Variants in EPB41L3 observed in about 807,000 individuals in gnomAD.
EPB41L3 encodes the protein erythrocyte membrane protein band 4.1 like 3, also known as band 4.1-like protein 3.
EPB41L3 carries 57 observed loss-of-function variants against 127.1 expected under a neutral mutation model. That is an observed-to-expected ratio of 0.45 (90% CI 0.36 to 0.56). The LOEUF is 0.56. Ranked by LOEUF, EPB41L3 falls within the 20% of genes least tolerant of loss-of-function variation. The pLI is 0.00. For synonymous variants in EPB41L3, 572 were observed against 549.5 expected (o/e 1.04, Z -0.57); for missense variants, 1,273 against 1,372.2 (o/e 0.93, Z 1.14).
At chr18:5,474,632 T>C (rs1163245478) in intron 3 of EPB41L3, among the ~76,000 whole-genome samples, 1 of 152,220 alleles carries the variant, frequency 6.6e-6, no homozygotes, top group Non-Finnish European at 1.5e-5. Flanking sequence ...AATAAAATGC[T>C]CTTTTTGATG....
chr18:5,533,362 T>C lies in EPB41L3; in HGVS notation c.-12+10551A>G, dbSNP rs183931725. ...GTGATATACAGTGACTTTTGTTTTG[T>C]TGTCCCCCTATGTGGATTATGTGAG... On this transcript the variant is annotated intron_variant, in intron 1 of 22. Transcript: ENST00000341928. 5.6e-3 allele frequency among the ~76,000 whole-genome samples: 853 copies of C among 152,306 alleles called. 5 individuals are homozygous for C. The highest frequency in any genetic ancestry group is 9.4e-3 in the Non-Finnish European group (641 of 68,028).
intron 9 of EPB41L3, among the ~76,000 whole-genome samples, chr18:5,426,749 C>G (rs2078238836): frequency 6.6e-6 from 1 of 152,042 alleles, no homozygotes; most frequent in African/African-American, 2.4e-5. Flanking sequence ...ATAGAAAATC[C>G]CTTAACAAGG....
chr18:5,554,952 G>A (rs1324133523), intron 3 of EPB41L3, among the ~76,000 whole-genome samples: 14 of 152,150 alleles, frequency 9.2e-5, no homozygotes, highest in African/African-American at 3.1e-4. Context: ...CTTTTACGGG[G>A]CTGTTGGAAG....
At chr18:5,435,077 T>C (rs959546648) in intron 6 of EPB41L3, among the ~76,000 whole-genome samples, 1 of 152,150 alleles carries the variant, frequency 6.6e-6, no homozygotes, top group Non-Finnish European at 1.5e-5. Context: ...AAAAACAAAT[T>C]ATAAATTTTA....
At chr18:5,498,968 A>C (rs1388433392) in intron 1 of EPB41L3, among the ~76,000 whole-genome samples, 1 of 152,194 alleles carries the variant, frequency 6.6e-6, no homozygotes, top group Non-Finnish European at 1.5e-5. Context: ...GGTTCCCTAA[A>C]AGGAAAGTTG....
At chr18:5,555,896 C>A (rs551537771) in intron 3 of EPB41L3, among the ~76,000 whole-genome samples, 46 of 152,310 alleles carry the variant, frequency 3.0e-4, no homozygotes, top group African/African-American at 1.1e-3. Flanking sequence ...CTTTCCATTC[C>A]TCTTTTTCAG....
intron 1 of EPB41L3, among the ~76,000 whole-genome samples, chr18:5,498,803 T>C (rs112053862): frequency 0.01 from 1,559 of 152,096 alleles, 29 homozygotes; most frequent in African/African-American, 0.035. Flanking sequence ...ATAAACTAAA[T>C]ATAGCAACTA....
intron 14 of EPB41L3, among the ~76,000 whole-genome samples, chr18:5,409,714 A>AG (rs2075958698): frequency 6.6e-6 from 1 of 151,178 alleles, no homozygotes; most frequent in African/African-American, 2.4e-5. Flanking sequence ...GGATGATGCA[A>AG]AAAAAAACAT....
At chr18:5,601,910 A>T (rs180761981) in intron 3 of EPB41L3, among the ~76,000 whole-genome samples, 1 of 152,328 alleles carries the variant, frequency 6.6e-6, no homozygotes, top group East Asian at 1.9e-4. Flanking sequence ...GAAGAATAGC[A>T]CTTCGGAGTG....
intron 3 of EPB41L3, among the ~76,000 whole-genome samples, chr18:5,451,727 T>C (rs1454512441): frequency 6.6e-6 from 1 of 152,224 alleles, no homozygotes; most frequent in African/African-American, 2.4e-5. Context: ...CGAAGCAATG[T>C]TTTAAACTAG....
chr18:5,416,397 A>G lies in EPB41L3; in HGVS notation c.1507-19T>C, dbSNP rs1402469590. ...CAGGTGACTGATGTGAAAGAGACAG[A>G]AAGAGACAGAAAGCAGCAAACAGAG... On this transcript the variant is annotated intron_variant, in intron 12 of 22. Coordinates refer to ENST00000341928, the MANE Select transcript of EPB41L3 (RefSeq NM_012307.5). 2 of 1,588,034 alleles carry G rather than the reference A, an allele frequency of 1.3e-6. No homozygotes were observed. The highest frequency in any genetic ancestry group is 1.7e-5 in the Admixed American group (1 of 57,448).
intron 5 of EPB41L3, among the ~76,000 whole-genome samples, chr18:5,443,296 T>G (rs1246125385): frequency 6.6e-6 from 1 of 152,254 alleles, no homozygotes; most frequent in Non-Finnish European, 1.5e-5. Context: ...GTCATTTTAA[T>G]TTGCATTTAA....
intron 14 of EPB41L3, among the ~76,000 whole-genome samples, chr18:5,408,597 T>C (rs1397497392): frequency 4.0e-5 from 6 of 151,450 alleles, no homozygotes. Flanking sequence ...TGTATATAGT[T>C]AAAAACAAAT....
chr18:5,518,096 C>T (rs975072766), intron 1 of EPB41L3, among the ~76,000 whole-genome samples: 2 of 152,168 alleles, frequency 1.3e-5, no homozygotes, highest in Non-Finnish European at 2.9e-5. Context: ...ATTCCTTACT[C>T]ATCCTATAGA....
chr18:5,398,251 G>A, intron 16 of EPB41L3, 108 bp from the exon 17 acceptor site: 1 of 1,292,190 alleles, frequency 7.7e-7, no homozygotes, highest in Middle Eastern at 1.9e-4. Context: ...GAGACAGGGA[G>A]GAGGAAGAAC....
chr18:5,533,999 C>T (rs560926234), intron 1 of EPB41L3, among the ~76,000 whole-genome samples: 133 of 152,198 alleles, frequency 8.7e-4, no homozygotes, highest in Admixed American at 2.4e-3. Flanking sequence ...CCCGTCTCCA[C>T]TAAAATACAA....
chr18:5,513,957 A>G (rs886225401), intron 1 of EPB41L3, among the ~76,000 whole-genome samples: 3 of 152,218 alleles, frequency 2.0e-5, no homozygotes, highest in African/African-American at 7.2e-5. Flanking sequence ...CCAAAGCTGC[A>G]TTCTAAAACT....
intron 1 of EPB41L3, among the ~76,000 whole-genome samples, chr18:5,492,754 A>C (rs1707184230): frequency 6.6e-6 from 1 of 152,214 alleles, no homozygotes; most frequent in African/African-American, 2.4e-5. Context: ...CAGGCTTTAA[A>C]GGTTTGGATT....
chr18:5,558,687 G>A (rs1356904975), intron 3 of EPB41L3, among the ~76,000 whole-genome samples: 1 of 152,094 alleles, frequency 6.6e-6, no homozygotes, highest in Non-Finnish European at 1.5e-5. Context: ...ACTGCAAAAT[G>A]GAAATGACTA....
Sources: allele counts gnomAD v4.1 joint callset (sites outside exome capture counted in the v4.1 genomes callset), GRCh38; gene constraint gnomAD v4.1.1; transcripts MANE v1.5; gene names NCBI Gene and HGNC (gene_info 2026-07-23, HGNC 2026-07-21).